PALLD: variants seen among roughly 807,000 people sequenced by gnomAD.
PALLD encodes the protein palladin.
In PALLD, 61 loss-of-function variants were observed where a neutral mutation model predicts 123.5. That is an observed-to-expected ratio of 0.49 (90% CI 0.40 to 0.61). PALLD has a LOEUF of 0.61. PALLD is among the 20% of genes least tolerant of loss of function. The probability of loss-of-function intolerance (pLI) is 0.00; values close to 1 mark genes in which losing one functional copy is unlikely to be tolerated. For synonymous variants in PALLD, 465 were observed against 496.4 expected, an observed-to-expected ratio of 0.94 and a Z score of 0.84; for missense variants, 1,273 against 1,377.0, an observed-to-expected ratio of 0.92 and a Z score of 1.20.
chr4:168,506,099 A>G (rs1055554035), intron 1 of PALLD: 3 of 152,248 alleles, frequency 2.0e-5, no homozygotes, highest in Non-Finnish European at 2.9e-5. Flanking sequence ...AACTGGGATC[A>G]TCTATCTCTG....
chr4:168,889,367 T>C (rs1428632326), intron 10 of PALLD, among the ~76,000 whole-genome samples: 1 of 151,946 alleles, frequency 6.6e-6, no homozygotes, highest in Non-Finnish European at 1.5e-5. Context: ...TTTTACCATG[T>C]TGGCCAAGCT....
At chr4:168,914,471 A>C (rs1382512465) in intron 16 of PALLD, among the ~76,000 whole-genome samples, 1 of 152,218 alleles carries the variant, frequency 6.6e-6, no homozygotes, top group Non-Finnish European at 1.5e-5. Context: ...AGTTCAAAAC[A>C]TAAGACCATT....
intron 12 of PALLD, among the ~76,000 whole-genome samples, chr4:168,894,996 C>A (rs113132683): frequency 1.3e-5 from 2 of 152,182 alleles, no homozygotes; most frequent in Non-Finnish European, 2.9e-5. Context: ...CACATTTTCG[C>A]CGACATTGTC....
rs113794451 is a variant in PALLD at position 168,926,672 on chromosome 4, A to G, written c.*492A>G. Reference sequence around the variant, plus strand: ...AATGCCAAAATACTAAAGGAAATCAATTGTTCACAGGTAACTACAATTTGT... The same window carrying G: ...AATGCCAAAATACTAAAGGAAATCAGTTGTTCACAGGTAACTACAATTTGT... On this transcript the variant is annotated 3_prime_UTR_variant, in exon 22 of 22. Coordinates refer to ENST00000505667, the MANE Select transcript of PALLD (RefSeq NM_001166108.2). The G allele has an allele frequency of 2.4e-3, 869 of 361,056 alleles. 1 individual carries two copies. The highest frequency in any genetic ancestry group is 5.5e-3 in the Middle Eastern group (7 of 1,278). The allele number at this position is 361,056 out of a possible 1,614,324, so 22.4% of individuals were successfully genotyped here.
chr4:168,719,293 T>C, intron 10 of PALLD, among the ~76,000 whole-genome samples: 1 of 139,994 alleles, frequency 7.1e-6, no homozygotes, highest in Non-Finnish European at 1.5e-5. Context: ...ATTCTCGCTC[T>C]GTCACCCAGG....
At chr4:168,687,653 C>T (rs1782205991) in intron 6 of PALLD, among the ~76,000 whole-genome samples, 1 of 152,160 alleles carries the variant, frequency 6.6e-6, no homozygotes, top group Non-Finnish European at 1.5e-5. Context: ...ATGGGTCTGG[C>T]ATGTGTAGAT....
chr4:168,709,758 G>A (rs1784652945), intron 9 of PALLD, among the ~76,000 whole-genome samples: 1 of 151,962 alleles, frequency 6.6e-6, no homozygotes, highest in African/African-American at 2.4e-5. Flanking sequence ...AAAGGCTTTA[G>A]GGGAGGGGAG....
At chr4:168,578,066 C>G (rs900997933) in intron 2 of PALLD, among the ~76,000 whole-genome samples, 6 of 151,976 alleles carry the variant, frequency 3.9e-5, no homozygotes, top group African/African-American at 1.2e-4. Flanking sequence ...TATACTGAGG[C>G]AAAGTAGCCT....
At chr4:168,646,625 G>A (rs1657572912) in intron 2 of PALLD, among the ~76,000 whole-genome samples, 1 of 152,178 alleles carries the variant, frequency 6.6e-6, no homozygotes, top group Non-Finnish European at 1.5e-5. Context: ...ATCAAGATCT[G>A]GCCCACAGCC....
intron 10 of PALLD, among the ~76,000 whole-genome samples, chr4:168,778,578 A>C (rs1163411424): frequency 1.3e-5 from 2 of 152,194 alleles, no homozygotes; most frequent in African/African-American, 4.8e-5. Flanking sequence ...TGTCTAGCAC[A>C]TAGTAGATAC....
At position 168,711,563 on chromosome 4, in the gene PALLD, C is replaced by T; in HGVS notation, c.1622-18C>T. ...AGTGGCATCTTCTTATGTTTTTCCTCTCTTTCCCCTTCCTTAGCCAACACT... is the reference window on the plus strand; with the variant it reads ...AGTGGCATCTTCTTATGTTTTTCCTTTCTTTCCCCTTCCTTAGCCAACACT... On this transcript the variant is annotated intron_variant, in intron 9 of 21. Coordinates refer to ENST00000505667, the MANE Select transcript of PALLD (RefSeq NM_001166108.2). 2 of 1,573,624 alleles carry T rather than the reference C, an allele frequency of 1.3e-6. No homozygotes were observed. The highest frequency in any genetic ancestry group is 1.7e-6 in the Non-Finnish European group (2 of 1,143,106).
At chr4:168,763,661 AC>A (rs960548127) in intron 10 of PALLD, among the ~76,000 whole-genome samples, 3 of 152,162 alleles carry the variant, frequency 2.0e-5, no homozygotes, top group African/African-American at 4.8e-5. Context: ...GCTGACTTCT[AC>A]TCTGAGTGAG....
At position 168,904,194 on chromosome 4, in the gene PALLD, A is replaced by G. The variant is rs1249670284; in HGVS notation, c.2622+288A>G. On this transcript the variant is annotated intron_variant, in intron 15 of 21. Coordinates refer to ENST00000505667, the MANE Select transcript of PALLD (RefSeq NM_001166108.2). ...ATGGGGTTGCAGTGGTAGACTGGAC[A>G]AAGTCCTATGGTAAAAAATAAGCAA... is the stretch of plus-strand genomic sequence containing the variant. 1.1e-4 allele frequency: 45 copies of G among 392,678 alleles called. No individual in the cohort carries two copies. In the Middle Eastern group the frequency reaches 4.6e-3, roughly 40 times the overall value. 24.3% of individuals were successfully genotyped at this position (392,678 alleles called of 1,614,324 possible). A position where few individuals can be genotyped will look rare whatever the true frequency, so the allele number is the denominator to read the frequency against.
chr4:168,568,171 A>G (rs1047551222), intron 2 of PALLD, among the ~76,000 whole-genome samples: 9 of 150,292 alleles, frequency 6.0e-5, no homozygotes, highest in African/African-American at 2.2e-4. Context: ...AGTAACCAAT[A>G]AATATATAGC....
At chr4:168,669,897 A>G (rs1780021954) in intron 3 of PALLD, among the ~76,000 whole-genome samples, 1 of 152,214 alleles carries the variant, frequency 6.6e-6, no homozygotes, top group Non-Finnish European at 1.5e-5. Flanking sequence ...CTGGAGAGGT[A>G]GAAGAAACTT....
intron 10 of PALLD, among the ~76,000 whole-genome samples, chr4:168,734,529 T>C (rs1039888434): frequency 5.3e-5 from 8 of 152,176 alleles, no homozygotes; most frequent in Non-Finnish European, 1.2e-4. Context: ...TTTGAACATA[T>C]TTCTGCTTTG....
At chr4:168,688,157 T>A (rs572805487) in intron 6 of PALLD, among the ~76,000 whole-genome samples, 1 of 152,338 alleles carries the variant, frequency 6.6e-6, no homozygotes, top group African/African-American at 2.4e-5. Flanking sequence ...ATCCTGCTGA[T>A]CTCCTCTGTA....
intron 10 of PALLD, among the ~76,000 whole-genome samples, chr4:168,793,430 T>C (rs1737933139): frequency 6.6e-6 from 1 of 151,400 alleles, no homozygotes; most frequent in Non-Finnish European, 1.5e-5. Context: ...TGGAGACCAG[T>C]GCTTTACCTG....
At chr4:168,522,166 A>G (rs1763625925) in intron 2 of PALLD, among the ~76,000 whole-genome samples, 1 of 152,208 alleles carries the variant, frequency 6.6e-6, no homozygotes, top group African/African-American at 2.4e-5. Flanking sequence ...TGTGTTAACT[A>G]TTTGCTAGAG....
Sources: allele counts gnomAD v4.1 joint callset (sites outside exome capture counted in the v4.1 genomes callset), GRCh38; gene constraint gnomAD v4.1.1; transcripts MANE v1.5; gene names NCBI Gene and HGNC (gene_info 2026-07-23, HGNC 2026-07-21).